The following NRDC variants were observed in gnomAD, a reference collection of about 807,000 sequenced individuals.
The protein encoded by NRDC is nardilysin.
In NRDC, 54 loss-of-function variants were observed where a neutral mutation model predicts 147.1. The observed-to-expected ratio is 0.37, with a 90% CI of 0.29 to 0.46. The LOEUF is 0.46. Among genes scored for constraint, NRDC ranks in the 20% least tolerant of loss-of-function variants. The pLI, the probability that NRDC is intolerant of heterozygous loss-of-function variation, is 1.00. For missense variants in NRDC, 1,082 were observed against 1,370.6 expected, an observed-to-expected ratio of 0.79 and a Z score of 3.33; for synonymous variants, 440 against 482.1, an observed-to-expected ratio of 0.91 and a Z score of 1.14.
At chr1:51,836,311 A>G (rs750928143) in intron 2 of NRDC, 99 bp from the exon 3 acceptor site, 2 of 1,586,244 alleles carry the variant, frequency 1.3e-6, no homozygotes, top group South Asian at 1.1e-5. Flanking sequence ...ATGTTTTCCA[A>G]TAGGAGTAAC....
Position 51,834,060 on chromosome 1 carries a change from G to T in NRDC, c.823C>A (p.Gln275Lys). The T allele has an allele frequency of 6.2e-7, 1 of 1,614,076 alleles. No homozygotes were observed. Among genetic ancestry groups the T allele is most frequent in the Non-Finnish European group, 8.5e-7 (1 of 1,179,992 alleles). ...ASTDCERTVF[Q>K]FDVQRKYFKE... ...AAGTACTTCCTCTGGACATCAAACTGAAAGACAGTGCGTTCACAATCAGTT... is the reference window on the plus strand; with the variant it reads ...AAGTACTTCCTCTGGACATCAAACTTAAAGACAGTGCGTTCACAATCAGTT... Residue 275 changes from glutamine (Q) to lysine (K), a missense_variant, in exon 4 of 31, where the codon CAG becomes AAG. By Grantham distance (53) the Gln-to-Lys change is moderately conservative. Transcript: ENST00000352171.
rs2124168446 is a variant in NRDC at position 51,878,385 on chromosome 1, C to T, written c.231G>A (p.Arg77=). 3 of 1,614,168 alleles carry T rather than the reference C, an allele frequency of 1.9e-6. No homozygotes were observed. Among genetic ancestry groups the T allele is most frequent in the Non-Finnish European group, 2.5e-6 (3 of 1,180,054 alleles). The part of the protein sequence containing the change: ...PNGQDLGENS[R]VARLGADESE... ...ATTCATCCGCTCCTAGACGGGCAAC[C>T]CGGCTGTTCTCGCCCAGATCCTGTC... The change falls in exon 1 of 31, where the codon CGG becomes CGA. Residue 77 remains arginine (R), a synonymous_variant. Transcript: ENST00000352171.
chr1:51,869,573 A>G (rs1390060412), intron 1 of NRDC, among the ~76,000 whole-genome samples: 1 of 152,226 alleles, frequency 6.6e-6, no homozygotes, highest in Non-Finnish European at 1.5e-5. Context: ...TCTCTATTTC[A>G]ACATATAAAA....
chr1:51,797,313 A>G (rs549861414), intron 22 of NRDC, among the ~76,000 whole-genome samples: 1 of 152,300 alleles, frequency 6.6e-6, no homozygotes, highest in African/African-American at 2.4e-5. Flanking sequence ...TACCCATAAA[A>G]TAACTTGTCT....
In NRDC at chr1:51,856,926, G is replaced by A. The variant is rs147352980; in HGVS notation, c.342-16412C>T. Among the ~76,000 whole-genome samples the A allele has an allele frequency of 1.9e-3, 285 of 152,122 alleles. 3 individuals are homozygous for A. The highest frequency in any genetic ancestry group is 1.9e-3 in the Non-Finnish European group (126 of 68,014). Reference sequence around the variant, plus strand: ...AAAGACTTTAACAAGGGCTATGGGAGTTACAAGCCAGGAACAATGGATGAA... The same window carrying A: ...AAAGACTTTAACAAGGGCTATGGGAATTACAAGCCAGGAACAATGGATGAA... On this transcript the variant is annotated intron_variant, in intron 1 of 30. Coordinates refer to ENST00000352171, the MANE Select transcript of NRDC (RefSeq NM_001101662.2).
intron 20 of NRDC, 112 bp from the exon 21 acceptor site, chr1:51,800,795 G>A (rs1679157472): frequency 9.8e-7 from 1 of 1,020,448 alleles, no homozygotes; most frequent in Non-Finnish European, 1.4e-6. Flanking sequence ...ACTAGGCATT[G>A]TGGGGGGACA....
intron 1 of NRDC, among the ~76,000 whole-genome samples, chr1:51,848,517 G>A (rs957817910): frequency 2.6e-5 from 4 of 151,866 alleles, no homozygotes; most frequent in Admixed American, 2.0e-4. Context: ...TACAAATATC[G>A]AAAGCTAAAA....
At chr1:51,808,651 A>G (rs897422121) in intron 17 of NRDC, among the ~76,000 whole-genome samples, 2 of 152,196 alleles carry the variant, frequency 1.3e-5, no homozygotes, top group African/African-American at 4.8e-5. Flanking sequence ...ATACTTAGAC[A>G]TGTAATGAAT....
chr1:51,862,217 TA>T (rs1413482141), intron 1 of NRDC: 1 of 151,952 alleles, frequency 6.6e-6, no homozygotes, highest in Non-Finnish European at 1.5e-5. Flanking sequence ...TTAGAATTAG[TA>T]AAAAATACAT....
intron 1 of NRDC, among the ~76,000 whole-genome samples, chr1:51,849,371 C>T (rs1299217592): frequency 1.3e-5 from 2 of 151,396 alleles, no homozygotes; most frequent in South Asian, 2.1e-4. Flanking sequence ...GCCGAGATCC[C>T]GCCACTGCAC....
intron 15 of NRDC, 60 bp from the exon 16 acceptor site, chr1:51,810,464 T>A: frequency 1.4e-6 from 2 of 1,479,554 alleles, no homozygotes; most frequent in Admixed American, 2.1e-5. Context: ...ACATCTCTGT[T>A]AAAAAGGCAA....
At chr1:51,872,873 A>C (rs1484377779) in intron 1 of NRDC, among the ~76,000 whole-genome samples, 1 of 99,360 alleles carries the variant, frequency 1.0e-5, no homozygotes, top group Non-Finnish European at 2.8e-5. Context: ...GGTTACCTTT[A>C]CTTTACAAGA....
At position 51,789,230 on chromosome 1, in the gene NRDC, G is replaced by GTT. The variant is rs909101805; in HGVS notation, c.*4_*5dup. The stretch of plus-strand genomic sequence containing the variant: ...ATTGCTTCAGGCCAACGTGACTGCA[G>GTT]TTTATTTATTTGACTATTTTATGGT... On this transcript the variant is annotated 3_prime_UTR_variant, in exon 31 of 31. Transcript: ENST00000352171. 7 of 1,613,040 alleles carry GTT rather than the reference G, an allele frequency of 4.3e-6. No homozygotes were observed. In the African/African-American group the frequency reaches 6.7e-5, roughly 15 times the overall value.
In NRDC at chr1:51,865,249, AAAT is replaced by A. The variant is rs1182231013; in HGVS notation, c.341+13023_341+13025del. Among the ~76,000 whole-genome samples the A allele has an allele frequency of 4.6e-5, 7 of 152,146 alleles. No homozygotes were observed. In the South Asian group the frequency reaches 8.3e-4, roughly 18 times the overall value. On this transcript the variant is annotated intron_variant, in intron 1 of 30. Transcript: ENST00000352171. The stretch of plus-strand genomic sequence containing the variant: ...GAAATCCTGATGTCTACAAACTATG[AAAT>A]AATGTCTGATCTTATTAGTAATAAG...
intron 4 of NRDC, among the ~76,000 whole-genome samples, chr1:51,829,449 G>GTC (rs1680604749): frequency 6.6e-6 from 1 of 152,358 alleles, no homozygotes; most frequent in African/African-American, 2.4e-5. Context: ...GTAGTCATCT[G>GTC]TAAGTGTAAC....
At chr1:51,807,374 C>A (rs1189143714) in intron 17 of NRDC, among the ~76,000 whole-genome samples, 1 of 152,132 alleles carries the variant, frequency 6.6e-6, no homozygotes, top group Non-Finnish European at 1.5e-5. Flanking sequence ...TGAAAAATAG[C>A]TAATTTTTAA....
In NRDC at chr1:51,794,595, C is replaced by T; in HGVS notation, c.2652G>A (p.Lys884=). 4 of 1,614,186 alleles carry T rather than the reference C, an allele frequency of 2.5e-6. No homozygotes were observed. The highest frequency in any genetic ancestry group is 3.4e-6 in the Non-Finnish European group (4 of 1,180,010). ...LKYVVDKLNF[K]PLEQEMPVQF... The stretch of plus-strand genomic sequence containing the variant: ...GCACAGGCATCTCCTGCTCCAGAGG[C>T]TTGAAGTTTAGTTTGCTGCAAGAGA... The change falls in exon 24 of 31, where the codon AAG becomes AAA. Residue 884 remains lysine (K), a synonymous_variant. Transcript: ENST00000352171.
At chr1:51,795,493 G>T (rs946136422) in intron 22 of NRDC, 7 of 203,030 alleles carry the variant, frequency 3.4e-5, no homozygotes, top group Admixed American at 2.5e-4. Flanking sequence ...ACTAAGGCTG[G>T]TTCTGGGGTT....
intron 17 of NRDC, among the ~76,000 whole-genome samples, chr1:51,807,417 G>A (rs1679517505): frequency 6.6e-6 from 1 of 152,170 alleles, no homozygotes; most frequent in African/African-American, 2.4e-5. Flanking sequence ...AGGTAAAAGA[G>A]CTGGATTTGG....
Sources: allele counts gnomAD v4.1 joint callset (sites outside exome capture counted in the v4.1 genomes callset), GRCh38; gene constraint gnomAD v4.1.1; transcripts MANE v1.5; gene names NCBI Gene and HGNC (gene_info 2026-07-23, HGNC 2026-07-21).